The following PPFIA1 variants were observed in gnomAD, a reference collection of about 807,000 sequenced individuals.
The protein encoded by PPFIA1 is PPFI scaffold protein A1.
PPFIA1 carries 25 observed loss-of-function variants against 149.9 expected under a neutral mutation model. That is an observed-to-expected ratio of 0.17 (90% CI 0.12 to 0.23). The LOEUF (loss-of-function observed/expected upper bound fraction) is 0.23. Ranked by LOEUF, PPFIA1 falls within the 10% of genes least tolerant of loss-of-function variation. The pLI is 1.00. For synonymous variants in PPFIA1, 549 were observed against 552.8 expected, an observed-to-expected ratio of 0.99 and a Z score of 0.10; for missense variants, 1,362 against 1,506.5, an observed-to-expected ratio of 0.90 and a Z score of 1.59.
intron 2 of PPFIA1, chr11:70,278,864 C>T (rs990742119): frequency 5.7e-5 from 27 of 471,260 alleles, no homozygotes; most frequent in Non-Finnish European, 1.0e-4. Flanking sequence ...CACTGGACAG[C>T]TGGTAGAGTG....
intron 21 of PPFIA1, chr11:70,367,719 C>G: frequency 5.0e-6 from 2 of 401,652 alleles, no homozygotes; most frequent in South Asian, 3.5e-5. Flanking sequence ...AATGAGGAAA[C>G]AGAAACAAGT....
At chr11:70,297,121 A>G (rs190853419) in intron 2 of PPFIA1, among the ~76,000 whole-genome samples, 302 of 152,352 alleles carry the variant, frequency 2.0e-3, no homozygotes, top group African/African-American at 6.8e-3. Context: ...AAACAAAACC[A>G]GAGAGGCCGG....
rs1253299446 is a variant in PPFIA1, at chr11:70,331,985, A to G, written c.1103A>G (p.Gln368Arg). The G allele has an allele frequency of 1.2e-6, 2 of 1,612,240 alleles. No individual in the cohort carries two copies. The highest frequency in any genetic ancestry group is 3.4e-5 in the Admixed American group (2 of 59,522). Residue 368 changes from glutamine (Q) to arginine (R), a missense_variant, in exon 9 of 28, where the codon CAG (glutamine) becomes CGG (arginine). Gln to Arg is a conservative substitution (Grantham distance 43). Around this residue, in one of 7 missense-constraint regions of PPFIA1, gnomAD observed 733 missense variants for 744.1 expected, o/e 0.99. Coordinates refer to ENST00000253925, the MANE Select transcript of PPFIA1 (RefSeq NM_003626.5). ...ACTGAAGATAAAAACCGCCAGTTAC[A>G]GGAGCGCTTGGAATTGGCAGAGCAA... ...RQTEDKNRQL[Q>R]ERLELAEQKL...
At chr11:70,318,742 G>A (rs1218755178) in intron 2 of PPFIA1, among the ~76,000 whole-genome samples, 3 of 152,206 alleles carry the variant, frequency 2.0e-5, no homozygotes, top group East Asian at 1.9e-4. Flanking sequence ...CAGCAAGTCC[G>A]ACCAACAAGC....
chr11:70,327,107 G>T lies in PPFIA1; in HGVS notation c.930+289G>T, dbSNP rs1412983945. The T allele has an allele frequency of 1.2e-5, 4 of 335,720 alleles. No homozygotes were observed. The Admixed American group carries it at 1.9e-4, about 16-fold the overall frequency. The allele number at this position is 335,720 out of a possible 1,614,324, so 20.8% of individuals were successfully genotyped here. On this transcript the variant is annotated intron_variant, in intron 7 of 27. Coordinates refer to ENST00000253925, the MANE Select transcript of PPFIA1 (RefSeq NM_003626.5). ...CACACTGGCCTCTCCTACCTGTGCT[G>T]CTTTAATATTCTTTAATGTCCTTGT...
At chr11:70,352,038 G>C (rs888419629) in intron 16 of PPFIA1, among the ~76,000 whole-genome samples, 1 of 152,158 alleles carries the variant, frequency 6.6e-6, no homozygotes, top group South Asian at 2.1e-4. Flanking sequence ...TCTGTATTCT[G>C]TGCCCCTGTT....
rs144666308 is a variant in PPFIA1, at chr11:70,381,703, G to A, written c.3551-385G>A. Among the ~76,000 whole-genome samples, 402 of 152,318 alleles carry A rather than the reference G, an allele frequency of 2.6e-3. 2 individuals carry two copies. Among genetic ancestry groups the A allele is most frequent in the African/African-American group, 9.1e-3 (377 of 41,556 alleles). On this transcript the variant is annotated intron_variant, in intron 26 of 27. Coordinates refer to ENST00000253925, the MANE Select transcript of PPFIA1 (RefSeq NM_003626.5). ...GCCGCTTGGTGTTTCCTTCATACCA[G>A]TGTTAGAGATGGAGCACTTAGGGCA...
intron 15 of PPFIA1, among the ~76,000 whole-genome samples, chr11:70,344,650 A>C (rs1421485782): frequency 6.6e-6 from 1 of 152,220 alleles, no homozygotes; most frequent in African/African-American, 2.4e-5. Context: ...TTGTTTCAAT[A>C]CACGCAAGTA....
chr11:70,343,689 G>A lies in PPFIA1; in HGVS notation c.1728G>A (p.Gln576=). ...EPSKVQTLNE[Q]DWERAQQASV... ...TATAGGTACAAACTCTTAATGAGCA[G>A]GATTGGGAACGTGCCCAGCAAGCTA... is the stretch of plus-strand genomic sequence containing the variant. Residue 576 remains glutamine, a synonymous_variant, in exon 15 of 28, where the codon CAG becomes CAA. Coordinates refer to ENST00000253925, the MANE Select transcript of PPFIA1 (RefSeq NM_003626.5). The A allele has an allele frequency of 6.2e-7, 1 of 1,614,226 alleles. No homozygotes were observed. Among genetic ancestry groups the A allele is most frequent in the South Asian group, 1.1e-5 (1 of 91,086 alleles).
At chr11:70,292,947 C>T (rs1342570907) in intron 2 of PPFIA1, among the ~76,000 whole-genome samples, 2 of 152,190 alleles carry the variant, frequency 1.3e-5, no homozygotes, top group African/African-American at 2.4e-5. Flanking sequence ...GTTAGATCCC[C>T]TTCCACTCCT....
At chr11:70,370,828 T>C (rs1039956616) in intron 21 of PPFIA1, among the ~76,000 whole-genome samples, 2 of 152,210 alleles carry the variant, frequency 1.3e-5, no homozygotes, top group South Asian at 4.1e-4. Context: ...AAATTTTCTT[T>C]AAATTAAAAA....
intron 9 of PPFIA1, chr11:70,332,873 A>G: frequency 2.7e-6 from 1 of 368,276 alleles, no homozygotes; most frequent in South Asian, 2.0e-5. Context: ...TGGACCATTC[A>G]GATGGTTTTA....
Position 70,372,225 on chromosome 11 carries a change from A to T in PPFIA1, c.2876A>T (p.Tyr959Phe), listed in dbSNP as rs773387801. The T allele has an allele frequency of 1.2e-6, 2 of 1,612,952 alleles. No individual in the cohort carries two copies. The highest frequency in any genetic ancestry group is 2.7e-5 in the African/African-American group (2 of 74,868). Residue 959 changes from tyrosine to phenylalanine, a missense_variant, in exon 22 of 28, where the codon TAT becomes TTT. Physicochemically the swap from Tyr to Phe is conservative, Grantham distance 22. Around this residue, in one of 7 missense-constraint regions of PPFIA1, gnomAD observed 349 missense variants for 373.3 expected, o/e 0.93. Transcript: ENST00000253925. ...APPTSRTTLA[Y>F]GDMNHEWIGN... ...ATTTATGAAAAGCAGACACTCGCCT[A>T]TGGGGACATGAACCACGAGTGGATC...
chr11:70,285,862 C>G (rs746737699), intron 2 of PPFIA1, among the ~76,000 whole-genome samples: 1 of 152,072 alleles, frequency 6.6e-6, no homozygotes, highest in Non-Finnish European at 1.5e-5. Context: ...ATGCACCGTT[C>G]TAGGTGCTGA....
Position 70,337,389 on chromosome 11 carries a change from A to G in PPFIA1, c.1453A>G (p.Ser485Gly). The stretch of plus-strand genomic sequence containing the variant: ...GAACTCTCTTTTAAGAGAAGTTGAA[A>G]GTGCAAAAAAGCAGTTAGAAGAAAC... ...DKNSLLREVE[S>G]AKKQLEETQH... The change falls in exon 12 of 28, where the codon AGT becomes GGT. Residue 485 changes from serine to glycine, a missense_variant. Physicochemically the swap from Ser to Gly is moderately conservative, Grantham distance 56. Coordinates refer to ENST00000253925, the MANE Select transcript of PPFIA1 (RefSeq NM_003626.5). 3 of 1,599,734 alleles carry G rather than the reference A, an allele frequency of 1.9e-6. No homozygotes were observed. Among genetic ancestry groups the G allele is most frequent in the Non-Finnish European group, 2.6e-6 (3 of 1,172,598 alleles).
chr11:70,379,830 A>G (rs2057638793), intron 26 of PPFIA1, among the ~76,000 whole-genome samples: 1 of 152,180 alleles, frequency 6.6e-6, no homozygotes, highest in African/African-American at 2.4e-5. Flanking sequence ...TGTATTATTT[A>G]TTTATTGTTT....
At chr11:70,285,355 C>T (rs551070061) in intron 2 of PPFIA1, among the ~76,000 whole-genome samples, 41 of 152,172 alleles carry the variant, frequency 2.7e-4, no homozygotes, top group Non-Finnish European at 5.0e-4. Context: ...AGAGCCACTT[C>T]AAGTGCATGG....
intron 2 of PPFIA1, among the ~76,000 whole-genome samples, chr11:70,281,695 A>G (rs911556548): frequency 2.0e-5 from 3 of 152,082 alleles, no homozygotes; most frequent in African/African-American, 7.2e-5. Flanking sequence ...ACTGCCCCCA[A>G]ATCCTTCCAA....
Position 70,362,118 on chromosome 11 carries a change from G to T in PPFIA1, c.2606G>T (p.Arg869Leu). 1 of 1,614,078 alleles carries T rather than the reference G, an allele frequency of 6.2e-7. No homozygotes were observed. The highest frequency in any genetic ancestry group is 8.5e-7 in the Non-Finnish European group (1 of 1,180,010). ...AGGCATGAATTGCTGGAGGAAGCCCGGAGACAAGGTTTACCTTTTGCCCAA... is the reference window on the plus strand; with the variant it reads ...AGGCATGAATTGCTGGAGGAAGCCCTGAGACAAGGTTTACCTTTTGCCCAA... ...QKKHELLEEA[R>L]RQGLPFAQWD... is the part of the protein sequence containing the mutation. Residue 869 changes from arginine (R) to leucine (L), a missense_variant, in exon 20 of 28, where the codon CGG becomes CTG. Arg to Leu is a moderately radical substitution (Grantham distance 102). Coordinates refer to ENST00000253925, the MANE Select transcript of PPFIA1 (RefSeq NM_003626.5).
Sources: allele counts gnomAD v4.1 joint callset (sites outside exome capture counted in the v4.1 genomes callset), GRCh38; gene constraint gnomAD v4.1.1; regional missense constraint gnomAD v4.1.1; transcripts MANE v1.5; gene names NCBI Gene and HGNC (gene_info 2026-07-23, HGNC 2026-07-21).